BMP1: variants seen among roughly 807,000 people sequenced by gnomAD.
The protein encoded by BMP1 is mammalian tolloid protein.
In BMP1, 63 loss-of-function variants were observed where a neutral mutation model predicts 116.8. The observed-to-expected ratio is 0.54, with a 90% CI of 0.44 to 0.67. The LOEUF (loss-of-function observed/expected upper bound fraction) is 0.67, where lower values mean the gene tolerates loss of function less well. BMP1 is among the 30% of genes least tolerant of loss of function. BMP1 has a pLI of 0.00. For missense variants in BMP1, 1,183 were observed against 1,358.9 expected (o/e 0.87, Z 2.04); for synonymous variants, 536 against 533.4 (o/e 1.00, Z -0.07).
chr8:22,173,515 T>C, intron 1 of BMP1, 87 bp from the exon 2 acceptor site: 1 of 910,538 alleles, frequency 1.1e-6, no homozygotes, highest in Non-Finnish European at 1.7e-6. Flanking sequence ...TGGGGGCTGG[T>C]GCCCACAGGG....
At chr8:22,197,123 A>C in intron 14 of BMP1, 117 bp from the exon 15 acceptor site, 1 of 1,335,076 alleles carries the variant, frequency 7.5e-7, no homozygotes, top group Non-Finnish European at 1.0e-6. Context: ...GGATCCAGTG[A>C]GGGGGCGTAG....
chr8:22,198,707 GC>G, intron 15 of BMP1: 1 of 173,044 alleles, frequency 5.8e-6, no homozygotes, highest in South Asian at 1.3e-4. Context: ...GCATCCTCAA[GC>G]CCCCTCTGTG....
chr8:22,192,523 C>T (rs1828964578), intron 9 of BMP1, among the ~76,000 whole-genome samples: 1 of 152,218 alleles, frequency 6.6e-6, no homozygotes, highest in African/African-American at 2.4e-5. Context: ...AGAGGATCCA[C>T]TATTTTTTTC....
At chr8:22,203,327 G>A (rs1320787192) in intron 16 of BMP1, among the ~76,000 whole-genome samples, 7 of 152,186 alleles carry the variant, frequency 4.6e-5, no homozygotes, top group Admixed American at 3.3e-4. Flanking sequence ...AGGCCAAGGC[G>A]ATCGGATCAC....
chr8:22,185,808 G>C (rs1353242784), intron 8 of BMP1, among the ~76,000 whole-genome samples: 1 of 147,322 alleles, frequency 6.8e-6, no homozygotes, highest in African/African-American at 2.5e-5. Context: ...TTTTAGCAGA[G>C]ACAGGGTTTC....
intron 6 of BMP1, 117 bp downstream of exon 6, chr8:22,178,074 C>A: frequency 3.6e-6 from 3 of 845,026 alleles, no homozygotes; most frequent in Non-Finnish European, 5.6e-6. Context: ...GAGTGGCCCT[C>A]TGGGGGGCTG....
chr8:22,196,655 G>A (rs767663713), intron 13 of BMP1, 25 bp from the exon 14 acceptor site: 19 of 1,613,276 alleles, frequency 1.2e-5, no homozygotes, highest in Admixed American at 3.3e-5. Flanking sequence ...CCCCGCAGAC[G>A]ATGCCACCTT....
At position 22,194,248 on chromosome 8, in the gene BMP1, C is replaced by A; in HGVS notation, c.1297+74C>A. The A allele has an allele frequency of 1.3e-6, 2 of 1,496,260 alleles. No individual in the cohort carries two copies. Among genetic ancestry groups the A allele is most frequent in the Non-Finnish European group, 1.9e-6 (2 of 1,074,716 alleles). The allele number at this position is 1,496,260 out of a possible 1,614,324, so 92.7% of individuals were successfully genotyped here. ...GCATGGTAAAACAACTCCCTCCTGGCACCTGAGGGGCAAGATTGTGGGTTC... is the reference window on the plus strand; with the variant it reads ...GCATGGTAAAACAACTCCCTCCTGGAACCTGAGGGGCAAGATTGTGGGTTC... On this transcript the variant is annotated intron_variant, in intron 10 of 19. Coordinates refer to ENST00000306385, the MANE Select transcript of BMP1 (RefSeq NM_006129.5). This position sits in a 1 kb window ranked among gnomAD's most constrained non-coding sequence, Gnocchi z 4.5.
chr8:22,175,155 G>C (rs946382331), intron 2 of BMP1, among the ~76,000 whole-genome samples: 5 of 152,198 alleles, frequency 3.3e-5, no homozygotes, highest in African/African-American at 1.2e-4. Flanking sequence ...GCATGGAGGG[G>C]TCCCCTGCTA....
rs564205063 is a variant in BMP1 at position 22,201,706 on chromosome 8, G to A, written c.2108-97G>A. ...GCTCTGCCAGCTGTTGCTCTGTCCC[G>A]GTGGGAGAAAGTCCAGCCAGGCCTC... is the stretch of plus-strand genomic sequence containing the variant. On this transcript the variant is annotated intron_variant, in intron 15 of 19. Coordinates refer to ENST00000306385, the MANE Select transcript of BMP1 (RefSeq NM_006129.5). 2.6e-5 allele frequency: 41 copies of A among 1,556,816 alleles called. 1 individual carries two copies. The highest frequency in any genetic ancestry group is 1.3e-4 in the South Asian group (11 of 86,108).
chr8:22,174,966 A>G (rs1828390707), intron 2 of BMP1, among the ~76,000 whole-genome samples: 1 of 152,156 alleles, frequency 6.6e-6, no homozygotes, highest in African/African-American at 2.4e-5. Flanking sequence ...TGCTCTGGGA[A>G]CACTGTGGTG....
rs1298046381 is a variant in BMP1, at chr8:22,194,368, G to T, written c.1298-77G>T. Reference sequence around the variant, plus strand: ...GGGGGACATGGGAGGGACTGGAGGAGTGGGGAAAAGAGCTCCCTAGCAGGG... The same window carrying T: ...GGGGGACATGGGAGGGACTGGAGGATTGGGGAAAAGAGCTCCCTAGCAGGG... On this transcript the variant is annotated intron_variant, in intron 10 of 19. Transcript: ENST00000306385. The surrounding 1 kb of genome is among the most constrained non-coding windows in gnomAD (Gnocchi z 4.5). The T allele has an allele frequency of 6.3e-7, 1 of 1,575,334 alleles. No individual in the cohort carries two copies. Among genetic ancestry groups the T allele is most frequent in the Non-Finnish European group, 8.7e-7 (1 of 1,154,736 alleles).
Position 22,177,064 on chromosome 8 carries a change from G to A in BMP1, c.655G>A (p.Val219Ile), listed in dbSNP as rs771647443. 8 of 1,612,494 alleles carry A rather than the reference G, an allele frequency of 5.0e-6. No homozygotes were observed. In the East Asian group the frequency reaches 1.6e-4, roughly 31 times the overall value. The change falls in exon 5 of 20, where the codon GTC becomes ATC. Residue 219 changes from valine (V) to isoleucine (I), a missense_variant. Transcript: ENST00000306385. ...GIVVHELGHV[V>I]GFWHEHTRPD... ...TGTGGTCCACGAGCTGGGCCACGTC[G>A]TCGGCTTCTGGCACGAACACACTCG... is the stretch of plus-strand genomic sequence containing the variant.
At chr8:22,178,462 G>A (rs1405143584) in intron 6 of BMP1, among the ~76,000 whole-genome samples, 1 of 151,972 alleles carries the variant, frequency 6.6e-6, no homozygotes, top group African/African-American at 2.4e-5. Context: ...TTTTTTTAGA[G>A]ATGGGGTCTC....
chr8:22,178,741 C>A (rs1347199816), intron 6 of BMP1, among the ~76,000 whole-genome samples: 1 of 152,112 alleles, frequency 6.6e-6, no homozygotes, highest in Non-Finnish European at 1.5e-5. Flanking sequence ...GTGGCCCAGC[C>A]TCCCCTCCCC....
At chr8:22,181,182 C>G (rs529667712) in intron 8 of BMP1, among the ~76,000 whole-genome samples, 11 of 152,326 alleles carry the variant, frequency 7.2e-5, no homozygotes, top group Admixed American at 2.6e-4. Context: ...ATTTCTCCTC[C>G]CTCTACCTGT....
rs753137138 is a variant in BMP1, at chr8:22,206,964, G to A, written c.2344G>A (p.Gly782Arg). Residue 782 changes from glycine to arginine, a missense_variant, in exon 17 of 20, where the codon GGG becomes AGG. By Grantham distance (125) the Gly-to-Arg change is moderately radical. Transcript: ENST00000306385. The part of the protein sequence containing the change: ...ECTWAISSTP[G>R]HRVKLTFMEM... ...CACGTGGGCCATCTCCAGCACCCCC[G>A]GGCACCGGGTCAAGCTGGTAAGGGG... 25 of 1,614,164 alleles carry A rather than the reference G, an allele frequency of 1.5e-5. No individual in the cohort carries two copies. The highest frequency in any genetic ancestry group is 2.7e-5 in the African/African-American group (2 of 75,050).
intron 16 of BMP1, 88 bp from the exon 17 acceptor site, chr8:22,206,766 G>T (rs186168934): frequency 7.2e-6 from 11 of 1,520,822 alleles, no homozygotes; most frequent in South Asian, 3.5e-5. Flanking sequence ...AAGAAAGGAG[G>T]GGGGGCAGGA....
intron 18 of BMP1, among the ~76,000 whole-genome samples, 158 bp from the exon 19 acceptor site, chr8:22,209,287 C>T (rs1201944884): frequency 1.3e-5 from 2 of 152,226 alleles, no homozygotes; most frequent in Admixed American, 6.5e-5. Context: ...TGGGGCAGCA[C>T]AGCAATGTTC....
Sources: allele counts gnomAD v4.1 joint callset (sites outside exome capture counted in the v4.1 genomes callset), GRCh38; gene constraint gnomAD v4.1.1; non-coding constraint Gnocchi (gnomAD v3.1); transcripts MANE v1.5; gene names NCBI Gene and HGNC (gene_info 2026-07-23, HGNC 2026-07-21).